DLG2: variants seen among roughly 807,000 people sequenced by gnomAD.
The protein encoded by DLG2 is discs large MAGUK scaffold protein 2, also known as disks large homolog 2.
In DLG2, 45 loss-of-function variants were observed where a neutral mutation model predicts 132.5. The ratio of observed to expected loss-of-function variants is 0.34; its 90% CI spans 0.27 to 0.44. The LOEUF (loss-of-function observed/expected upper bound fraction) is 0.44. Ranked by LOEUF, DLG2 falls within the 20% of genes least tolerant of loss-of-function variation. The pLI is 1.00. For synonymous variants in DLG2, 424 were observed against 419.6 expected (o/e 1.01, Z -0.13); for missense variants, 1,045 against 1,196.9 (o/e 0.87, Z 1.87).
At chr11:83,709,871 A>C (rs777286502) in intron 18 of DLG2, among the ~76,000 whole-genome samples, 2 of 152,196 alleles carry the variant, frequency 1.3e-5, no homozygotes, top group Non-Finnish European at 2.9e-5. Flanking sequence ...GTGATCATTG[A>C]AAGGGCAGAT....
At chr11:84,687,822 T>C (rs1052246611) in intron 6 of DLG2, among the ~76,000 whole-genome samples, 1 of 152,184 alleles carries the variant, frequency 6.6e-6, no homozygotes, top group Non-Finnish European at 1.5e-5. Context: ...ATGATGCTAG[T>C]TATTGAGTGA....
intron 16 of DLG2, among the ~76,000 whole-genome samples, chr11:83,859,262 G>C (rs1196718134): frequency 2.0e-5 from 3 of 152,198 alleles, no homozygotes; most frequent in Non-Finnish European, 4.4e-5. Flanking sequence ...GACCAGTTTG[G>C]AGGGCTCAGA....
At chr11:84,058,504 T>TATAATA (rs372631929) in intron 11 of DLG2, among the ~76,000 whole-genome samples, 1 of 122,982 alleles carries the variant, frequency 8.1e-6, no homozygotes, top group East Asian at 2.1e-4. Context: ...AAAAAACAAA[T>TATAATA]ACAATAATAA....
At chr11:84,836,169 T>C (rs1415674000) in intron 6 of DLG2, among the ~76,000 whole-genome samples, 1 of 151,796 alleles carries the variant, frequency 6.6e-6, no homozygotes, top group Non-Finnish European at 1.5e-5. Context: ...GAATTGGTAA[T>C]TAATTGTACA....
intron 18 of DLG2, among the ~76,000 whole-genome samples, chr11:83,662,137 T>A (rs1258171180): frequency 6.6e-6 from 1 of 152,142 alleles, no homozygotes; most frequent in East Asian, 1.9e-4. Flanking sequence ...CAGCCAGATT[T>A]GTTTGACTCC....
At chr11:84,163,016 G>GT (rs1324462495) in intron 9 of DLG2, among the ~76,000 whole-genome samples, 15 of 151,998 alleles carry the variant, frequency 9.9e-5, no homozygotes, top group Admixed American at 2.0e-4. Flanking sequence ...GGGTTGCTGT[G>GT]TTTTTTCCTA....
intron 3 of DLG2, among the ~76,000 whole-genome samples, chr11:85,487,872 C>G (rs2093465632): frequency 1.3e-5 from 2 of 152,160 alleles, no homozygotes. Context: ...ATCAGACTGT[C>G]TAATATGGTT....
At chr11:85,372,152 A>C (rs1049732770) in intron 3 of DLG2, among the ~76,000 whole-genome samples, 2 of 152,196 alleles carry the variant, frequency 1.3e-5, no homozygotes, top group African/African-American at 4.8e-5. Flanking sequence ...GTAATATAAA[A>C]ATCTGGATCA....
chr11:83,802,086 T>G (rs1310738401), intron 17 of DLG2, among the ~76,000 whole-genome samples: 2 of 151,988 alleles, frequency 1.3e-5, no homozygotes, highest in East Asian at 1.9e-4. Context: ...TTTCTTTTTT[T>G]GAGACAGGGT....
intron 7 of DLG2, among the ~76,000 whole-genome samples, chr11:84,407,633 G>C (rs1218382028): frequency 1.3e-5 from 2 of 152,130 alleles, no homozygotes; most frequent in Admixed American, 6.5e-5. Context: ...AGAGGGCCTT[G>C]ACAAATCACT....
At chr11:85,015,786 A>T (rs1185523012) in intron 6 of DLG2, among the ~76,000 whole-genome samples, 2 of 152,152 alleles carry the variant, frequency 1.3e-5, no homozygotes, top group African/African-American at 4.8e-5. Context: ...CACAATTCGA[A>T]TCAAGTGTTA....
At chr11:85,408,698 C>T (rs1246116336) in intron 3 of DLG2, among the ~76,000 whole-genome samples, 3 of 151,676 alleles carry the variant, frequency 2.0e-5, no homozygotes, top group African/African-American at 7.3e-5. Flanking sequence ...TTTCCAATTT[C>T]ATCCATGTCC....
At chr11:85,414,260 C>T (rs568599847) in intron 3 of DLG2, among the ~76,000 whole-genome samples, 1 of 152,124 alleles carries the variant, frequency 6.6e-6, no homozygotes, top group Non-Finnish European at 1.5e-5. Context: ...TTTTCTGAAA[C>T]TTTGCTAAAT....
chr11:84,826,821 C>G (rs765123119), intron 6 of DLG2, among the ~76,000 whole-genome samples: 1 of 151,848 alleles, frequency 6.6e-6, no homozygotes, highest in Non-Finnish European at 1.5e-5. Flanking sequence ...ACACAATAAC[C>G]AGACTAACCT....
Position 84,982,490 on chromosome 11 carries a change from T to C in DLG2, c.357+129171A>G, listed in dbSNP as rs148913895. ...CATCAACAGTTTATATATATTTTCT[T>C]ATATTCTTAAGTTAATCAGTATTCT... On this transcript the variant is annotated intron_variant, in intron 6 of 27. Coordinates refer to ENST00000376104, the MANE Select transcript of DLG2 (RefSeq NM_001142699.3). 7.1e-3 allele frequency among the ~76,000 whole-genome samples: 1,074 copies of C among 152,252 alleles called. 4 individuals carry two copies. The highest frequency in any genetic ancestry group is 0.012 in the Non-Finnish European group (785 of 68,024).
intron 9 of DLG2, among the ~76,000 whole-genome samples, chr11:84,158,532 T>C (rs926585218): frequency 3.9e-5 from 6 of 152,228 alleles, no homozygotes; most frequent in Non-Finnish European, 8.8e-5. Flanking sequence ...CTATCTCTTA[T>C]AAAGCTATGA....
chr11:84,292,034 A>G (rs1307057089), intron 7 of DLG2, among the ~76,000 whole-genome samples: 1 of 152,134 alleles, frequency 6.6e-6, no homozygotes, highest in Non-Finnish European at 1.5e-5. Flanking sequence ...TAATCATTTC[A>G]CTAAATTGAC....
chr11:85,149,082 G>T (rs1324822402), intron 5 of DLG2, among the ~76,000 whole-genome samples: 1 of 152,046 alleles, frequency 6.6e-6, no homozygotes, highest in Non-Finnish European at 1.5e-5. Flanking sequence ...TGTTTCTGAG[G>T]TCTCTGTCCT....
At position 83,566,344 on chromosome 11, in the gene DLG2, C is replaced by T. The variant is rs757308555; in HGVS notation, c.1941-24486G>A. Among the ~76,000 whole-genome samples the T allele has an allele frequency of 1.1e-4, 17 of 152,102 alleles. 1 individual carries two copies. Among genetic ancestry groups the T allele is most frequent in the Admixed American group, 2.6e-4 (4 of 15,264 alleles). On this transcript the variant is annotated intron_variant, in intron 19 of 27. Transcript: ENST00000376104. ...GAAGCCTGTGCTCCCACTGAATTCC[C>T]GAATTCTGCCCATCTAATCCCAATC...
Sources: allele counts gnomAD v4.1 joint callset (sites outside exome capture counted in the v4.1 genomes callset), GRCh38; gene constraint gnomAD v4.1.1; transcripts MANE v1.5; gene names NCBI Gene and HGNC (gene_info 2026-07-23, HGNC 2026-07-21).